NLGN1: variants seen among roughly 807,000 people sequenced by gnomAD.
The protein encoded by NLGN1 is neuroligin 1.
NLGN1 carries 12 observed loss-of-function variants against 65.5 expected under a neutral mutation model. The ratio of observed to expected loss-of-function variants is 0.18; its 90% confidence interval spans 0.12 to 0.30. NLGN1 has a LOEUF of 0.30. NLGN1 is among the 10% of genes least tolerant of loss of function. The pLI, the probability that NLGN1 is intolerant of heterozygous loss-of-function variation, is 1.00. For missense variants in NLGN1, 750 were observed against 1,007.1 expected (o/e 0.74, Z 3.46); for synonymous variants, 350 against 359.5 (o/e 0.97, Z 0.30).
chr3:173,582,483 T>C (rs1746547940), intron 2 of NLGN1, among the ~76,000 whole-genome samples: 1 of 152,092 alleles, frequency 6.6e-6, no homozygotes, highest in South Asian at 2.1e-4. Context: ...CTTGTAAATT[T>C]CTGCCAATTT....
intron 4 of NLGN1, among the ~76,000 whole-genome samples, chr3:173,938,739 C>G (rs909984770): frequency 6.6e-6 from 1 of 152,188 alleles, no homozygotes; most frequent in East Asian, 1.9e-4. Flanking sequence ...AGGCCCTTAG[C>G]CCCCCTCTTT....
intron 4 of NLGN1, among the ~76,000 whole-genome samples, chr3:174,128,164 C>CA (rs1719367130): frequency 6.6e-6 from 1 of 152,120 alleles, no homozygotes; most frequent in Non-Finnish European, 1.5e-5. Context: ...GAAACACTCT[C>CA]AATTTTTAAT....
intron 3 of NLGN1, among the ~76,000 whole-genome samples, chr3:173,789,252 G>C (rs1712084419): frequency 1.3e-5 from 2 of 151,686 alleles, no homozygotes; most frequent in African/African-American, 4.8e-5. Flanking sequence ...AGGAAGGAAA[G>C]AAAGTTAGTT....
intron 4 of NLGN1, among the ~76,000 whole-genome samples, chr3:174,270,587 A>G (rs1186939488): frequency 6.6e-6 from 1 of 151,878 alleles, no homozygotes; most frequent in Non-Finnish European, 1.5e-5. Flanking sequence ...TTAGAAGAGA[A>G]TATTTTTCAT....
At chr3:174,072,191 T>C (rs200249431) in intron 4 of NLGN1, among the ~76,000 whole-genome samples, 1 of 152,164 alleles carries the variant, frequency 6.6e-6, no homozygotes, top group African/African-American at 2.4e-5. Flanking sequence ...TGAGTGGTAA[T>C]TGCATGCTCC....
At chr3:173,400,665 A>G (rs536834612) in intron 1 of NLGN1, among the ~76,000 whole-genome samples, 2 of 152,198 alleles carry the variant, frequency 1.3e-5, no homozygotes, top group South Asian at 4.1e-4. Context: ...AGCTCCCACA[A>G]CACAGTATTT....
intron 3 of NLGN1, among the ~76,000 whole-genome samples, chr3:173,633,182 T>C (rs896593321): frequency 1.3e-5 from 2 of 152,130 alleles, no homozygotes; most frequent in Non-Finnish European, 2.9e-5. Flanking sequence ...AGCTGACTTA[T>C]GTTGACATTT....
chr3:173,616,928 A>T (rs1455845420), intron 3 of NLGN1, among the ~76,000 whole-genome samples: 1 of 152,092 alleles, frequency 6.6e-6, no homozygotes, highest in Non-Finnish European at 1.5e-5. Flanking sequence ...ATCGCCTAGA[A>T]CACTCTGTAA....
chr3:174,198,844 C>CTTTT (rs56752477), intron 4 of NLGN1, among the ~76,000 whole-genome samples: 3,229 of 99,776 alleles, frequency 0.032, 253 homozygotes, highest in Non-Finnish European at 0.042. Flanking sequence ...TGACTAGATT[C>CTTTT]TTTTTTTTTT....
chr3:173,873,695 A>T (rs2150884007), intron 4 of NLGN1, among the ~76,000 whole-genome samples: 1 of 152,276 alleles, frequency 6.6e-6, no homozygotes, highest in East Asian at 1.9e-4. Context: ...CATCTGTAAA[A>T]GCTTCTTCTC....
At chr3:173,649,002 A>G (rs1171455825) in intron 3 of NLGN1, among the ~76,000 whole-genome samples, 6 of 152,234 alleles carry the variant, frequency 3.9e-5, no homozygotes, top group African/African-American at 1.4e-4. Flanking sequence ...AACCCAAAAC[A>G]ACCTAAATAT....
At position 173,858,804 on chromosome 3, in the gene NLGN1, C is replaced by A. The variant is rs896944241; in HGVS notation, c.646+50972C>A. ...CATAGATAGTTTATATAAGTAGCAC[C>A]GGATTTTTCATTACCATCACATTCC... On this transcript the variant is annotated intron_variant, in intron 4 of 6. Coordinates refer to ENST00000457714, the Ensembl canonical transcript of NLGN1. Among the ~76,000 whole-genome samples, 4 of 152,044 alleles carry A rather than the reference C, an allele frequency of 2.6e-5. No individual in the cohort carries two copies. The South Asian group carries it at 8.3e-4, about 32-fold the overall frequency.
At chr3:173,460,140 C>T (rs1192121831) in intron 2 of NLGN1, among the ~76,000 whole-genome samples, 2 of 152,138 alleles carry the variant, frequency 1.3e-5, no homozygotes. Context: ...TTGAAAACTT[C>T]AATTGTAATA....
intron 3 of NLGN1, among the ~76,000 whole-genome samples, chr3:173,787,314 G>C (rs904500860): frequency 6.6e-6 from 1 of 152,066 alleles, no homozygotes; most frequent in South Asian, 2.1e-4. Flanking sequence ...AAAATAAAAA[G>C]TCTGTGATAT....
chr3:173,403,775 G>C (rs1294044687), intron 1 of NLGN1, among the ~76,000 whole-genome samples: 1 of 151,980 alleles, frequency 6.6e-6, no homozygotes, highest in Admixed American at 6.6e-5. Flanking sequence ...GATTATTCTG[G>C]AGTTTTTTTA....
the NLGN1 span, among the ~76,000 whole-genome samples, chr3:174,293,471 A>C: frequency 6.6e-6 from 1 of 151,606 alleles, no homozygotes; most frequent in East Asian, 1.9e-4. Context: ...TGAAAAAAAC[A>C]CCTGTGAAAG....
At chr3:173,800,318 T>C (rs937394435) in intron 3 of NLGN1, 153 of 1,218,246 alleles carry the variant, frequency 1.3e-4, no homozygotes, top group Non-Finnish European at 1.5e-4. Context: ...AACAGACAGA[T>C]GATTTAGGTG....
At chr3:173,908,857 A>G (rs1335162891) in intron 4 of NLGN1, among the ~76,000 whole-genome samples, 2 of 152,178 alleles carry the variant, frequency 1.3e-5, no homozygotes, top group Admixed American at 6.5e-5. Flanking sequence ...TTTGATGTCT[A>G]TAAAAACATT....
chr3:174,289,135 A>G (rs1421264770), downstream of NLGN1, among the ~76,000 whole-genome samples: 3 of 151,354 alleles, frequency 2.0e-5, no homozygotes, highest in African/African-American at 7.3e-5. Flanking sequence ...CTCCAGAATA[A>G]TAGTAATAGA....
Sources: gnomAD v4.1 joint callset for allele counts (sites outside exome capture counted in the v4.1 genomes callset) on GRCh38, gnomAD v4.1.1 for gene constraint, MANE v1.5 for transcripts, NCBI Gene and HGNC (gene_info 2026-07-23, HGNC 2026-07-21) for gene names.